Variants in RSPH14 observed in about 807,000 individuals in gnomAD.
The protein encoded by RSPH14 is radial spoke head 14 homolog.
Under a neutral mutation model 26.7 loss-of-function variants are expected in RSPH14, and 20 were observed. The observed-to-expected ratio is 0.75, with a 90% CI of 0.53 to 1.09. The LOEUF (loss-of-function observed/expected upper bound fraction) is 1.09. RSPH14 is among the 50% of genes least tolerant of loss of function. The pLI, the probability that RSPH14 is intolerant of heterozygous loss-of-function variation, is 0.00. For synonymous variants in RSPH14, 177 were observed against 189.3 expected (o/e 0.93, Z 0.53); for missense variants, 449 against 457.2 (o/e 0.98, Z 0.16).
chr22:23,130,067 GAAAGAAAGAAAGAAAGGAAGAAAGAAA>G (rs1569192304), intron 4 of RSPH14, among the ~76,000 whole-genome samples: 7 of 30,836 alleles, frequency 2.3e-4, no homozygotes, highest in African/African-American at 1.2e-3. Flanking sequence ...GAAAAAGAAA[GAAAGAAAGAAAGAAAGGAAGAAAGAAA>G]GAAAGAAAGA....
rs2068050085 is a variant in RSPH14, at chr22:23,059,686, C to CG, written c.822dup (p.Gly275ArgfsTer85). 2 of 1,560,566 alleles carry CG rather than the reference C, an allele frequency of 1.3e-6. No individual in the cohort carries two copies. Among genetic ancestry groups the CG allele is most frequent in the African/African-American group, 2.7e-5 (2 of 73,100 alleles). On this transcript the variant is annotated frameshift_variant, in exon 7 of 7. Coordinates refer to ENST00000216036, the MANE Select transcript of RSPH14 (RefSeq NM_014433.3). LOFTEE classifies it low-confidence loss of function (END_TRUNC). ...GAGTGCAGCAGCTCCAGGAGCAGGC[C>CG]GATGGCTTGTGCCTCCAGGGCCGCA...
At position 23,095,499 on chromosome 22, in the gene RSPH14, G is replaced by A. The variant is rs376853853; in HGVS notation, c.422-31366C>T. The A allele has an allele frequency of 1.9e-4, 120 of 620,474 alleles. 2 individuals carry two copies. Among genetic ancestry groups the A allele is most frequent in the African/African-American group, 9.6e-4 (52 of 54,378 alleles). The allele number at this position is 620,474 out of a possible 1,614,324, so 38.4% of individuals were successfully genotyped here. On this transcript the variant is annotated intron_variant, in intron 4 of 6. Transcript: ENST00000216036. ...TAGTGGGGAGGGGCGGCCACCGCCCGCTGCACAGAGCGCCATGCCGGCTGG... is the reference window on the plus strand; with the variant it reads ...TAGTGGGGAGGGGCGGCCACCGCCCACTGCACAGAGCGCCATGCCGGCTGG...
At chr22:23,152,530 C>T in the RSPH14 span, 2 of 1,614,010 alleles carry the variant, frequency 1.2e-6, no homozygotes, top group Non-Finnish European at 1.7e-6. Flanking sequence ...TCCACAGGTA[C>T]AAGGCTTCCT....
rs1343203407 is a variant in RSPH14, at chr22:23,126,720, G to T, written c.421+7306C>A. 9.9e-5 allele frequency among the ~76,000 whole-genome samples: 15 copies of T among 152,226 alleles called. No individual in the cohort carries two copies. The East Asian group carries it at 2.7e-3, about 27-fold the overall frequency. ...AGAGGAGGCTAGAGTAGGTGGCAGG[G>T]TGCCTGAAGGGGAGGACCTGGGGAT... On this transcript the variant is annotated intron_variant, in intron 4 of 6. Coordinates refer to ENST00000216036, the MANE Select transcript of RSPH14 (RefSeq NM_014433.3).
upstream of RSPH14, among the ~76,000 whole-genome samples, chr22:23,149,749 C>T (rs993285467): frequency 2.6e-5 from 4 of 152,184 alleles, no homozygotes; most frequent in African/African-American, 9.7e-5. Context: ...CCACTCGTCT[C>T]GCCCTGAGAG....
chr22:23,157,760 G>A, the RSPH14 span, among the ~76,000 whole-genome samples: 1 of 152,182 alleles, frequency 6.6e-6, no homozygotes, highest in East Asian at 1.9e-4. Flanking sequence ...ACCTTGTCCT[G>A]CCTCCCTGGA....
At chr22:23,077,159 C>G (rs1304673362) in intron 4 of RSPH14, among the ~76,000 whole-genome samples, 1 of 152,136 alleles carries the variant, frequency 6.6e-6, no homozygotes, top group South Asian at 2.1e-4. Context: ...GTGAACCTCA[C>G]CACTGTACCC....
At chr22:23,107,193 AG>A (rs886412478) in intron 4 of RSPH14, among the ~76,000 whole-genome samples, 4 of 152,172 alleles carry the variant, frequency 2.6e-5, no homozygotes, top group Non-Finnish European at 4.4e-5. Flanking sequence ...GCATAGTTGC[AG>A]GGGGGAGGGG....
chr22:23,150,032 A>G, the RSPH14 span: 3 of 1,541,088 alleles, frequency 1.9e-6, no homozygotes, highest in Admixed American at 1.8e-5. Context: ...GCTTTGCAGG[A>G]TGATGTGTCC....
chr22:23,067,850 G>A (rs1370036015), intron 4 of RSPH14, among the ~76,000 whole-genome samples: 1 of 152,082 alleles, frequency 6.6e-6, no homozygotes, highest in African/African-American at 2.4e-5. Context: ...ACAGCAGACC[G>A]TACACTGAAC....
chr22:23,175,579 C>T, the RSPH14 span, among the ~76,000 whole-genome samples: 1 of 152,216 alleles, frequency 6.6e-6, no homozygotes, highest in Non-Finnish European at 1.5e-5. Context: ...GCCTAGCCTC[C>T]CAAAGTGCTG....
intron 4 of RSPH14, among the ~76,000 whole-genome samples, chr22:23,130,840 C>T (rs2070348036): frequency 6.6e-6 from 1 of 152,246 alleles, no homozygotes; most frequent in African/African-American, 2.4e-5. Context: ...CAGTGAAACA[C>T]CATAGCACAT....
At chr22:23,140,763 A>AC (rs1213709581) in intron 1 of RSPH14, among the ~76,000 whole-genome samples, 1 of 152,138 alleles carries the variant, frequency 6.6e-6, no homozygotes, top group East Asian at 1.9e-4. Flanking sequence ...GACAAAACAA[A>AC]CCAAACAAGC....
intron 4 of RSPH14, chr22:23,095,917 C>A: frequency 6.2e-7 from 1 of 1,613,670 alleles, no homozygotes; most frequent in Non-Finnish European, 8.5e-7. Context: ...CCCTCATCAT[C>A]TACAATGCCA....
chr22:23,138,951 A>G lies in RSPH14; in HGVS notation c.200-9T>C, dbSNP rs1261075802. 3 of 1,528,984 alleles carry G rather than the reference A, an allele frequency of 2.0e-6. No individual in the cohort carries two copies. The highest frequency in any genetic ancestry group is 2.6e-6 in the Non-Finnish European group (3 of 1,140,100). The allele number at this position is 1,528,984 out of a possible 1,614,324, so 94.7% of individuals were successfully genotyped here. On this transcript the variant is annotated splice_polypyrimidine_tract_variant and intron_variant, in intron 2 of 6. Transcript: ENST00000216036. ...CAGGTTCTCCATACAGCCTAGAAAA[A>G]AAAAAAAAAACAAACAAACCAACCC...
At position 23,079,840 on chromosome 22, in the gene RSPH14, C is replaced by T. The variant is rs571496897; in HGVS notation, c.422-15707G>A. ...CAGCCTCAGTTCTCAAGGAAAGGGACGCAGGGAAGGCGTGCTGGGCATGTA... is the reference window on the plus strand; with the variant it reads ...CAGCCTCAGTTCTCAAGGAAAGGGATGCAGGGAAGGCGTGCTGGGCATGTA... On this transcript the variant is annotated intron_variant, in intron 4 of 6. Coordinates refer to ENST00000216036, the MANE Select transcript of RSPH14 (RefSeq NM_014433.3). Among the ~76,000 whole-genome samples, 31 of 152,248 alleles carry T rather than the reference C, an allele frequency of 2.0e-4. No homozygotes were observed. In the East Asian group the frequency reaches 2.3e-3, roughly 11 times the overall value.
chr22:23,152,057 C>A, the RSPH14 span, among the ~76,000 whole-genome samples: 2 of 152,218 alleles, frequency 1.3e-5, no homozygotes, highest in Non-Finnish European at 2.9e-5. Flanking sequence ...GCCGGGGTCT[C>A]CCTGCACGTG....
At chr22:23,110,527 CAG>C (rs1328604341) in intron 4 of RSPH14, among the ~76,000 whole-genome samples, 3 of 152,332 alleles carry the variant, frequency 2.0e-5, no homozygotes, top group Admixed American at 2.0e-4. Flanking sequence ...CTTAAAGAGA[CAG>C]AGGGAGAGCA....
chr22:23,082,138 A>C lies in RSPH14; in HGVS notation c.422-18005T>G, dbSNP rs967072133. 5.1e-3 allele frequency among the ~76,000 whole-genome samples: 342 copies of C among 67,206 alleles called. 1 individual carries two copies. The highest frequency in any genetic ancestry group is 6.8e-3 in the Non-Finnish European group (245 of 36,206). 44.1% of individuals were successfully genotyped at this position (67,206 alleles called of 152,430 possible). A position where few individuals can be genotyped will look rare whatever the true frequency, so the allele number is the denominator to read the frequency against. On this transcript the variant is annotated intron_variant, in intron 4 of 6. Transcript: ENST00000216036. ...AGACTCCGCCTCAAAAAAAAAACAAAAAAAAAAAACACCCCAGAAATATAT... is the reference window on the plus strand; with the variant it reads ...AGACTCCGCCTCAAAAAAAAAACAACAAAAAAAAACACCCCAGAAATATAT...
Sources: gnomAD v4.1 joint callset for allele counts (sites outside exome capture counted in the v4.1 genomes callset) on GRCh38, gnomAD v4.1.1 for gene constraint, MANE v1.5 for transcripts, NCBI Gene and HGNC (gene_info 2026-07-23, HGNC 2026-07-21) for gene names.